Variants in LRRD1 observed in about 807,000 individuals in gnomAD.
The protein encoded by LRRD1 is leucine rich repeats and death domain containing 1.
Under a neutral mutation model 69.5 loss-of-function variants are expected in LRRD1, and 49 were observed. The ratio of observed to expected loss-of-function variants is 0.70; its 90% confidence interval spans 0.56 to 0.89. The LOEUF is 0.89. Ranked by LOEUF, LRRD1 falls within the 40% of genes least tolerant of loss-of-function variation. The pLI is 0.00. For synonymous variants in LRRD1, 303 were observed against 338.9 expected (o/e 0.89, Z 1.16); for missense variants, 853 against 956.0 (o/e 0.89, Z 1.42).
rs528274050 is a variant in LRRD1, at chr7:92,149,260, A to G, written c.2278+1274T>C. 7.9e-5 allele frequency among the ~76,000 whole-genome samples: 12 copies of G among 152,372 alleles called. No individual in the cohort carries two copies. In the South Asian group the frequency reaches 1.9e-3, roughly 24 times the overall value. On this transcript the variant is annotated intron_variant, in intron 4 of 5. Transcript: ENST00000458448. ...CATGACTGTCTCACTATGAAATTAC[A>G]TTAGTACAAGCTCCTGATTATGTAG... is the stretch of plus-strand genomic sequence containing the variant.
At chr7:92,162,570 A>G (rs2018926) in intron 2 of LRRD1, among the ~76,000 whole-genome samples, 4,269 of 152,314 alleles carry the variant, frequency 0.028, 192 homozygotes, top group African/African-American at 0.098. Flanking sequence ...TAAGCTCTAA[A>G]AATGTTAATT....
At chr7:92,150,486 A>C (rs1201944526) in intron 4 of LRRD1, 48 bp downstream of exon 4, 1 of 1,422,092 alleles carries the variant, frequency 7.0e-7, no homozygotes. Flanking sequence ...AAATAAAATA[A>C]AATAAAAAAG....
At chr7:92,167,900 A>T (rs1046618407) in intron 1 of LRRD1, among the ~76,000 whole-genome samples, 10 of 149,286 alleles carry the variant, frequency 6.7e-5, no homozygotes, top group Non-Finnish European at 1.5e-4. Flanking sequence ...AAAAAAAAAA[A>T]AAAAAAAATA....
At chr7:92,172,022 G>C (rs879330167) in intron 1 of LRRD1, among the ~76,000 whole-genome samples, 2 of 152,188 alleles carry the variant, frequency 1.3e-5, no homozygotes, top group African/African-American at 2.4e-5. Context: ...TACTTAGGAA[G>C]GTGAGATGGG....
chr7:92,165,689 T>C (rs1380991204), intron 1 of LRRD1, among the ~76,000 whole-genome samples: 1 of 151,860 alleles, frequency 6.6e-6, no homozygotes, highest in African/African-American at 2.4e-5. Context: ...GGCAAAACCC[T>C]GTCTCTACTA....
intron 1 of LRRD1, among the ~76,000 whole-genome samples, chr7:92,170,636 T>A (rs1189156965): frequency 6.6e-6 from 1 of 152,194 alleles, no homozygotes; most frequent in African/African-American, 2.4e-5. Context: ...AATCAATAGA[T>A]CATCCAGTCA....
chr7:92,143,880 C>T (rs1343296941), downstream of LRRD1, among the ~76,000 whole-genome samples: 1 of 152,234 alleles, frequency 6.6e-6, no homozygotes, highest in Non-Finnish European at 1.5e-5. Flanking sequence ...AGCACGCTGT[C>T]ACCTCTCAAA....
intron 3 of LRRD1, among the ~76,000 whole-genome samples, chr7:92,152,226 C>A (rs1488745270): frequency 6.7e-6 from 1 of 149,588 alleles, no homozygotes; most frequent in Non-Finnish European, 1.5e-5. Context: ...CACACACATA[C>A]ATGTATAACA....
intron 3 of LRRD1, among the ~76,000 whole-genome samples, chr7:92,154,370 G>A (rs1189785735): frequency 6.6e-6 from 1 of 152,010 alleles, no homozygotes; most frequent in African/African-American, 2.4e-5. Context: ...CTCTCAAGCA[G>A]CTGGGACTAC....
rs772065660 is a variant in LRRD1, at chr7:92,164,756, C to T, written c.447G>A (p.Glu149=). ...LGADNFTVNL[E]AKGLQEFPKD... is the part of the protein sequence containing the mutation. ...TAGGAAATTCCTGTAAACCCTTGGC[C>T]TCAAGGTTAACTGTAAAGTTATCTG... The change falls in exon 2 of 6, where the codon GAG becomes GAA. Residue 149 remains glutamate (E), a synonymous_variant. Coordinates refer to ENST00000458448, the MANE Select transcript of LRRD1 (RefSeq NM_001161528.2). 1.5e-5 allele frequency: 23 copies of T among 1,551,122 alleles called. No homozygotes were observed. The highest frequency in any genetic ancestry group is 1.9e-5 in the Non-Finnish European group (22 of 1,146,808).
chr7:92,167,138 C>G (rs1788929453), intron 1 of LRRD1, among the ~76,000 whole-genome samples: 1 of 151,054 alleles, frequency 6.6e-6, no homozygotes, highest in African/African-American at 2.4e-5. Context: ...TCTCTGTCAC[C>G]AGGCTAGAGT....
intron 4 of LRRD1, among the ~76,000 whole-genome samples, chr7:92,148,597 G>A (rs1297042050): frequency 6.6e-6 from 1 of 152,026 alleles, no homozygotes; most frequent in Non-Finnish European, 1.5e-5. Flanking sequence ...TGGATGCCAA[G>A]CCTGCAATAT....
chr7:92,151,520 T>A (rs1225756511), intron 3 of LRRD1, among the ~76,000 whole-genome samples: 1 of 152,174 alleles, frequency 6.6e-6, no homozygotes, highest in African/African-American at 2.4e-5. Flanking sequence ...CAAGATAATG[T>A]TATAATTTTT....
chr7:92,144,266 C>G (rs1217278657), downstream of LRRD1, among the ~76,000 whole-genome samples: 1 of 152,174 alleles, frequency 6.6e-6, no homozygotes, highest in East Asian at 1.9e-4. Context: ...CAGTGAAAAT[C>G]ACTAGTAATG....
rs372086784 is a variant in LRRD1, at chr7:92,157,831, C to T, written c.2116+1174G>A. The stretch of plus-strand genomic sequence containing the variant: ...ACCTCAAGCAATCCGCCCCCCTCGG[C>T]CTCCCAAAGTGCTGGAATTACAGGC... On this transcript the variant is annotated intron_variant, in intron 3 of 5. Coordinates refer to ENST00000458448, the MANE Select transcript of LRRD1 (RefSeq NM_001161528.2). Among the ~76,000 whole-genome samples, 93 of 152,114 alleles carry T rather than the reference C, an allele frequency of 6.1e-4. 3 individuals carry two copies. In the East Asian group the frequency reaches 9.9e-3, roughly 16 times the overall value.
At chr7:92,156,763 T>G (rs180672170) in intron 3 of LRRD1, among the ~76,000 whole-genome samples, 77 of 152,326 alleles carry the variant, frequency 5.1e-4, no homozygotes, top group African/African-American at 1.8e-3. Flanking sequence ...ACTTTTTATT[T>G]CTTTTTCTTG....
At chr7:92,153,264 T>C (rs1273682124) in intron 3 of LRRD1, among the ~76,000 whole-genome samples, 2 of 151,244 alleles carry the variant, frequency 1.3e-5, no homozygotes, top group South Asian at 4.2e-4. Flanking sequence ...GGGGTTTCAC[T>C]ATGTTGGCTA....
At chr7:92,170,110 G>GAGGA (rs912476908) in intron 1 of LRRD1, among the ~76,000 whole-genome samples, 7 of 149,308 alleles carry the variant, frequency 4.7e-5, no homozygotes, top group Admixed American at 2.0e-4. Flanking sequence ...GAGAGAGAGA[G>GAGGA]AGGAAGGAAG....
chr7:92,164,253 C>T lies in LRRD1; in HGVS notation c.950G>A (p.Ser317Asn). 1 of 1,550,602 alleles carries T rather than the reference C, an allele frequency of 6.4e-7. No individual in the cohort carries two copies. The highest frequency in any genetic ancestry group is 8.7e-7 in the Non-Finnish European group (1 of 1,146,616). Residue 317 changes from serine (S) to asparagine (N), a missense_variant, in exon 2 of 6, where the codon AGT becomes AAT. Physicochemically the swap from Ser to Asn is conservative, Grantham distance 46. Transcript: ENST00000458448. Reference protein sequence around the residue: ...SLDLTGNLISSLPKEIRELKN... With the variant: ...SLDLTGNLISNLPKEIRELKN... The stretch of plus-strand genomic sequence containing the variant: ...AAGCTCTCTAATTTCTTTTGGCAAA[C>T]TGCTTATTAGGTTTCCAGTAAGGTC...
Sources: gnomAD v4.1 joint callset for allele counts (sites outside exome capture counted in the v4.1 genomes callset) on GRCh38, gnomAD v4.1.1 for gene constraint, MANE v1.5 for transcripts, NCBI Gene and HGNC (gene_info 2026-07-23, HGNC 2026-07-21) for gene names.